JARID2: variants seen among roughly 807,000 people sequenced by gnomAD.
The protein encoded by JARID2 is protein Jumonji.
A neutral mutation model predicts 125.6 loss-of-function variants in JARID2; 21 were observed. The observed-to-expected ratio is 0.17, with a 90% CI of 0.12 to 0.24. The LOEUF is 0.24. JARID2 is among the 10% of genes least tolerant of loss of function. The pLI is 1.00. For synonymous variants in JARID2, 736 were observed against 661.6 expected (o/e 1.11, Z -1.73); for missense variants, 1,303 against 1,639.6 (o/e 0.79, Z 3.55).
chr6:15,513,130 A>G, intron 15 of JARID2, 85 bp downstream of exon 15: 1 of 1,595,182 alleles, frequency 6.3e-7, no homozygotes, highest in Non-Finnish European at 8.5e-7. Context: ...TCACTTCCTG[A>G]CAGGAGGGTG....
At chr6:15,502,437 G>A (rs13204842) in intron 8 of JARID2, among the ~76,000 whole-genome samples, 37,159 of 152,160 alleles carry the variant, frequency 0.24, 4,676 homozygotes, top group Middle Eastern at 0.36. Context: ...TCCAGCCCTC[G>A]TGAGCCTGGT....
Position 15,395,673 on chromosome 6 carries a change from T to G in JARID2, c.182-14551T>G, listed in dbSNP as rs544991552. Among the ~76,000 whole-genome samples, 13 of 151,954 alleles carry G rather than the reference T, an allele frequency of 8.6e-5. No homozygotes were observed. In the South Asian group the frequency reaches 2.5e-3, roughly 29 times the overall value. On this transcript the variant is annotated intron_variant, in intron 2 of 17. Coordinates refer to ENST00000341776, the MANE Select transcript of JARID2 (RefSeq NM_004973.4). The stretch of plus-strand genomic sequence containing the variant: ...CATCGGCCTCCCAAAGTGCTGTGAT[T>G]ACAGGCATGAGCCACCGCTCCCAGC...
chr6:15,464,175 A>C (rs750855996), intron 4 of JARID2, among the ~76,000 whole-genome samples: 2 of 152,164 alleles, frequency 1.3e-5, no homozygotes, highest in South Asian at 4.1e-4. Flanking sequence ...AGAAAAAAAG[A>C]ACCTACTTTG....
intron 4 of JARID2, among the ~76,000 whole-genome samples, chr6:15,459,734 T>G (rs1166706266): frequency 1.3e-5 from 2 of 152,148 alleles, no homozygotes; most frequent in African/African-American, 2.4e-5. Flanking sequence ...GGAACACATA[T>G]TTTGATGTGG....
At chr6:15,333,254 A>G (rs1428949560) in intron 1 of JARID2, among the ~76,000 whole-genome samples, 1 of 152,134 alleles carries the variant, frequency 6.6e-6, no homozygotes, top group Admixed American at 6.5e-5. Flanking sequence ...TAAAGTATAT[A>G]CAACTCGGTG....
intron 3 of JARID2, among the ~76,000 whole-genome samples, chr6:15,417,833 T>C (rs1293529602): frequency 1.3e-5 from 2 of 152,254 alleles, no homozygotes; most frequent in African/African-American, 4.8e-5. Context: ...ATTGTCAGTA[T>C]ATGTGACACA....
chr6:15,288,524 GTTA>G (rs1561772177), intron 1 of JARID2, among the ~76,000 whole-genome samples: 1 of 152,208 alleles, frequency 6.6e-6, no homozygotes, highest in African/African-American at 2.4e-5. Context: ...AGTGCCCAAC[GTTA>G]TTACTTGTTT....
intron 1 of JARID2, among the ~76,000 whole-genome samples, chr6:15,359,889 C>G (rs1275692208): frequency 6.6e-6 from 1 of 151,922 alleles, no homozygotes; most frequent in Non-Finnish European, 1.5e-5. Context: ...ATTTCACTGT[C>G]CTGGTCAGGT....
At chr6:15,468,482 C>A in intron 4 of JARID2, 60 bp from the exon 5 acceptor site, 1 of 1,434,420 alleles carries the variant, frequency 7.0e-7, no homozygotes, top group Admixed American at 2.3e-5. Flanking sequence ...TGTGGTGTTC[C>A]TTCTGGAAAG....
At chr6:15,495,530 T>A (rs988400863) in intron 6 of JARID2, among the ~76,000 whole-genome samples, 2 of 152,242 alleles carry the variant, frequency 1.3e-5, no homozygotes, top group African/African-American at 4.8e-5. Flanking sequence ...CCTCTGGGCC[T>A]GGCCTGCCAC....
intron 1 of JARID2, among the ~76,000 whole-genome samples, chr6:15,269,065 C>G (rs1760197717): frequency 6.6e-6 from 1 of 152,196 alleles, no homozygotes; most frequent in Admixed American, 6.5e-5. Flanking sequence ...TAGAATTTAT[C>G]AAAAGATGTG....
intron 12 of JARID2, chr6:15,509,047 G>A: frequency 7.8e-6 from 10 of 1,289,326 alleles, no homozygotes; most frequent in South Asian, 1.2e-5. Context: ...CTGCCATGTG[G>A]AGACACGCGC....
intron 4 of JARID2, among the ~76,000 whole-genome samples, chr6:15,455,926 T>C (rs556172805): frequency 6.6e-6 from 1 of 152,372 alleles, no homozygotes; most frequent in East Asian, 1.9e-4. Context: ...TTTTGCTTAG[T>C]AAATAATGAA....
rs571568093 is a variant in JARID2, at chr6:15,516,704, G to A, written c.3451-457G>A. 7.2e-5 allele frequency among the ~76,000 whole-genome samples: 11 copies of A among 152,322 alleles called. No individual in the cohort carries two copies. The South Asian group carries it at 1.7e-3, about 23-fold the overall frequency. ...CTGGAAAGTCAAGGGTGCGTTCCCC[G>A]GGTGGCCGCCTAAGTTGGAGTCCTC... On this transcript the variant is annotated intron_variant, in intron 16 of 17. Coordinates refer to ENST00000341776, the MANE Select transcript of JARID2 (RefSeq NM_004973.4).
At chr6:15,249,464 C>G (rs185789176) in intron 1 of JARID2, among the ~76,000 whole-genome samples, 470 of 152,272 alleles carry the variant, frequency 3.1e-3, no homozygotes, top group Non-Finnish European at 3.7e-3. Flanking sequence ...TCTCAAGGTG[C>G]TCTGGGCTTA....
At chr6:15,395,053 A>G (rs1436587056) in intron 2 of JARID2, among the ~76,000 whole-genome samples, 1 of 152,116 alleles carries the variant, frequency 6.6e-6, no homozygotes, top group Non-Finnish European at 1.5e-5. Flanking sequence ...TGTTGTATTA[A>G]CCAACAAACT....
Position 15,486,915 on chromosome 6 carries a change from G to T in JARID2, c.671-392G>T, listed in dbSNP as rs75469733. On this transcript the variant is annotated intron_variant, in intron 5 of 17. Coordinates refer to ENST00000341776, the MANE Select transcript of JARID2 (RefSeq NM_004973.4). Reference sequence around the variant, plus strand: ...TAGTCCATTCTCACACTGCTATAAAGATACTACCTGAGACTGGGTAATTTA... The same window carrying T: ...TAGTCCATTCTCACACTGCTATAAATATACTACCTGAGACTGGGTAATTTA... Among the ~76,000 whole-genome samples, 538 of 145,174 alleles carry T rather than the reference G, an allele frequency of 3.7e-3. 10 individuals are homozygous for T. Among genetic ancestry groups the T allele is most frequent in the East Asian group, 0.035 (171 of 4,846 alleles).
At chr6:15,393,755 C>G (rs1325175903) in intron 2 of JARID2, among the ~76,000 whole-genome samples, 1 of 152,118 alleles carries the variant, frequency 6.6e-6, no homozygotes, top group Non-Finnish European at 1.5e-5. Flanking sequence ...GATGATTTCA[C>G]TGCGTAAATA....
chr6:15,377,387 TC>T (rs1554129680), intron 2 of JARID2, among the ~76,000 whole-genome samples: 1 of 152,162 alleles, frequency 6.6e-6, no homozygotes, highest in Non-Finnish European at 1.5e-5. Flanking sequence ...CCTGGGTCCC[TC>T]CCACAACATG....
Sources: allele counts gnomAD v4.1 joint callset (sites outside exome capture counted in the v4.1 genomes callset), GRCh38; gene constraint gnomAD v4.1.1; transcripts MANE v1.5; gene names NCBI Gene and HGNC (gene_info 2026-07-23, HGNC 2026-07-21).